Variants in SPATA22 observed in about 807,000 individuals in gnomAD.
SPATA22 encodes the protein spermatogenesis-associated protein 22.
In SPATA22, 29 loss-of-function variants were observed where a neutral mutation model predicts 47.8. The observed-to-expected ratio is 0.61, with a 90% CI of 0.45 to 0.83. The LOEUF (loss-of-function observed/expected upper bound fraction) is 0.83, where lower values mean the gene tolerates loss of function less well. Among genes scored for constraint, SPATA22 ranks in the 40% least tolerant of loss-of-function variants. SPATA22 has a pLI of 0.00. For synonymous variants in SPATA22, 133 were observed against 140.9 expected, an observed-to-expected ratio of 0.94 and a Z score of 0.40; for missense variants, 410 against 421.7, an observed-to-expected ratio of 0.97 and a Z score of 0.24.
At chr17:3,476,272 G>A (rs1456006856), upstream of SPATA22, 3 of 1,614,040 alleles carry the variant, frequency 1.9e-6, no homozygotes, top group African/African-American at 1.3e-5. Context: ...CTAGAGAATG[G>A]CGCTGAGATT....
chr17:3,494,970 A>G (rs2073885738), intron 1 of SPATA22, among the ~76,000 whole-genome samples: 1 of 152,140 alleles, frequency 6.6e-6, no homozygotes, highest in African/African-American at 2.4e-5. Flanking sequence ...CCTCCCTGTG[A>G]CAGAATAAGT....
At position 3,450,416 on chromosome 17, in the gene SPATA22, C is replaced by T. The variant is rs187186591; in HGVS notation, c.330-1267G>A. Among the ~76,000 whole-genome samples, 149 of 152,286 alleles carry T rather than the reference C, an allele frequency of 9.8e-4. No homozygotes were observed. In the Middle Eastern group the frequency reaches 0.01, roughly 10 times the overall value. Reference sequence around the variant, plus strand: ...TAAGTTATAAACACCACAAACATCACGATACCCAGAAAAAAATTGTTAGAA... The same window carrying T: ...TAAGTTATAAACACCACAAACATCATGATACCCAGAAAAAAATTGTTAGAA... On this transcript the variant is annotated intron_variant, in intron 5 of 8. Transcript: ENST00000572969.
chr17:3,491,972 G>A (rs1223194567), intron 1 of SPATA22, among the ~76,000 whole-genome samples: 1 of 146,138 alleles, frequency 6.8e-6, no homozygotes, highest in Non-Finnish European at 1.5e-5. Context: ...CAAGTTCCTG[G>A]GCTCAAGCAA....
At chr17:3,451,896 G>A (rs145846142) in intron 5 of SPATA22, among the ~76,000 whole-genome samples, 1,685 of 150,680 alleles carry the variant, frequency 0.011, 25 homozygotes, top group African/African-American at 0.038. Flanking sequence ...GCAGTGAGCC[G>A]AGATTGCACC....
chr17:3,443,388 T>C (rs1014190351), intron 7 of SPATA22, 117 bp from the exon 8 acceptor site: 4 of 615,094 alleles, frequency 6.5e-6, no homozygotes, highest in Non-Finnish European at 1.1e-5. Flanking sequence ...GTGCTATTTA[T>C]ATAGCAATAA....
chr17:3,443,167 T>C lies in SPATA22; in HGVS notation c.900+7A>G, dbSNP rs1242985142. Reference sequence around the variant, plus strand: ...GGCTTCGCAAAGAGTACTTTAAAAATACTCACGATTTCATAAAAGACACAA... The same window carrying C: ...GGCTTCGCAAAGAGTACTTTAAAAACACTCACGATTTCATAAAAGACACAA... On this transcript the variant is annotated splice_region_variant and intron_variant, in intron 8 of 8. Coordinates refer to ENST00000572969, the MANE Select transcript of SPATA22 (RefSeq NM_001170698.2). 6.3e-7 allele frequency: 1 copy of C among 1,592,518 alleles called. No individual in the cohort carries two copies. Among genetic ancestry groups the C allele is most frequent in the Non-Finnish European group, 8.6e-7 (1 of 1,165,168 alleles).
At position 3,440,190 on chromosome 17, in the gene SPATA22, T is replaced by C. The variant is rs1281287332; in HGVS notation, c.1049A>G (p.Asp350Gly). 1.2e-6 allele frequency: 2 copies of C among 1,609,110 alleles called. No individual in the cohort carries two copies. The highest frequency in any genetic ancestry group is 1.7e-5 in the Admixed American group (1 of 59,092). The change falls in exon 9 of 9, where the codon GAT becomes GGT. Residue 350 changes from aspartate to glycine, a missense_variant. Coordinates refer to ENST00000572969, the MANE Select transcript of SPATA22 (RefSeq NM_001170698.2). ...KTFQAFVKIA[D>G]VEMQYYINVM... Reference sequence around the variant, plus strand: ...ATTAATATAATACTGCATCTCAACATCTGCAATTTTGACAAATGCCTGGAA... The same window carrying C: ...ATTAATATAATACTGCATCTCAACACCTGCAATTTTGACAAATGCCTGGAA...
intron 2 of SPATA22, chr17:3,468,969 TA>T (rs2073371344): frequency 2.4e-6 from 1 of 420,758 alleles, no homozygotes; most frequent in African/African-American, 2.1e-5. Flanking sequence ...GAAATATTTT[TA>T]ACAAGTAAGT....
chr17:3,453,950 T>C (rs35156626), intron 5 of SPATA22, among the ~76,000 whole-genome samples: 29,276 of 152,038 alleles, frequency 0.19, 2,953 homozygotes, highest in Middle Eastern at 0.34. Flanking sequence ...TGTTTGCAGA[T>C]GACATGATCT....
chr17:3,504,667 G>A (rs35436631), intron 1 of SPATA22, among the ~76,000 whole-genome samples: 136,760 of 151,372 alleles, frequency 0.9, 62,647 homozygotes, highest in Non-Finnish European at 0.98. Context: ...AAGCGATTCT[G>A]CCGCCTCAGC....
upstream of SPATA22, chr17:3,471,932 T>G (rs62071295): frequency 0.49 from 432,971 of 883,232 alleles, 109,630 homozygotes; most frequent in Non-Finnish European, 0.52. Flanking sequence ...ACGTTAACGC[T>G]CTTCCTTGGC....
Position 3,467,450 on chromosome 17 carries a change from A to G in SPATA22, c.148T>C (p.Tyr50His), listed in dbSNP as rs1384735936. ...DSGISTPSDN[Y>H]DFPPLPTDWA... is the part of the protein sequence containing the mutation. ...CCTGTAGGTAGAGGAGGAAAATCAT[A>G]ATTGTCAGAAGGGGTACTGATACCT... is the stretch of plus-strand genomic sequence containing the variant. Residue 50 changes from tyrosine (Y) to histidine (H), a missense_variant, in exon 3 of 9, where the codon TAT (tyrosine) becomes CAT (histidine). By Grantham distance (83) the Tyr-to-His change is moderately conservative. Coordinates refer to ENST00000572969, the MANE Select transcript of SPATA22 (RefSeq NM_001170698.2). 4.4e-6 allele frequency: 7 copies of G among 1,601,984 alleles called. No homozygotes were observed. Among genetic ancestry groups the G allele is most frequent in the Non-Finnish European group, 5.1e-6 (6 of 1,175,432 alleles).
At chr17:3,508,158 T>G (rs766452800) in intron 1 of SPATA22, among the ~76,000 whole-genome samples, 1 of 152,212 alleles carries the variant, frequency 6.6e-6, no homozygotes, top group African/African-American at 2.4e-5. Flanking sequence ...CAGTCAAGAC[T>G]TGGCATTCCA....
chr17:3,449,001 T>C lies in SPATA22; in HGVS notation c.478A>G (p.Ile160Val), dbSNP rs1304914857. 2 of 1,614,070 alleles carry C rather than the reference T, an allele frequency of 1.2e-6. No homozygotes were observed. The highest frequency in any genetic ancestry group is 1.7e-5 in the Admixed American group (1 of 60,014). ...CGAGATAAGTTAGGAGGTTCAGGTA[T>C]TCTTAATTGTTTTTGTTGTTGAGCT... ...SGAQQQKQLRIPEPPNLSRNK... is the reference protein window; with the variant it reads ...SGAQQQKQLRVPEPPNLSRNK... The change falls in exon 6 of 9, where the codon ATA becomes GTA. Residue 160 changes from isoleucine to valine, a missense_variant. Transcript: ENST00000572969.
At chr17:3,470,923 G>C (rs985764226) in intron 1 of SPATA22, among the ~76,000 whole-genome samples, 2 of 152,112 alleles carry the variant, frequency 1.3e-5, no homozygotes, top group African/African-American at 4.8e-5. Context: ...GGGAGGCCAA[G>C]GCAAGTGGGT....
intron 5 of SPATA22, among the ~76,000 whole-genome samples, chr17:3,455,818 T>C (rs1405379096): frequency 2.0e-5 from 3 of 151,718 alleles, no homozygotes; most frequent in Admixed American, 6.6e-5. Flanking sequence ...AGTAGTTTTT[T>C]CCAATTCTGT....
At chr17:3,509,764 T>G (rs1769703536) in intron 1 of SPATA22, among the ~76,000 whole-genome samples, 1 of 152,216 alleles carries the variant, frequency 6.6e-6, no homozygotes, top group African/African-American at 2.4e-5. Flanking sequence ...ATTGTTGAAC[T>G]AATTTGCATT....
chr17:3,444,088 C>T (rs1005486546), intron 7 of SPATA22, among the ~76,000 whole-genome samples: 4 of 152,042 alleles, frequency 2.6e-5, no homozygotes, highest in Non-Finnish European at 4.4e-5. Context: ...ACCTATAAAA[C>T]GCAAATTGTA....
intron 6 of SPATA22, 131 bp from the exon 7 acceptor site, chr17:3,446,732 GTA>G: frequency 1.4e-6 from 1 of 717,682 alleles, no homozygotes; most frequent in Non-Finnish European, 2.2e-6. Context: ...GAAAATTTTA[GTA>G]TAGTTACTTC....
Sources: allele counts gnomAD v4.1 joint callset (sites outside exome capture counted in the v4.1 genomes callset), GRCh38; gene constraint gnomAD v4.1.1; transcripts MANE v1.5; gene names NCBI Gene and HGNC (gene_info 2026-07-23, HGNC 2026-07-21).